The following TAF11 variants were observed in gnomAD, a reference collection of about 807,000 sequenced individuals.
TAF11 encodes transcription initiation factor TFIID subunit 11.
A neutral mutation model predicts 23.0 loss-of-function variants in TAF11; 10 were observed. The observed-to-expected ratio is 0.43, with a 90% CI of 0.27 to 0.74. The LOEUF is 0.74. Ranked by LOEUF, TAF11 falls within the 30% of genes least tolerant of loss-of-function variation. The pLI, the probability that TAF11 is intolerant of heterozygous loss-of-function variation, is 0.19. For missense variants in TAF11, 196 were observed against 261.7 expected, an observed-to-expected ratio of 0.75 and a Z score of 1.73; for synonymous variants, 85 against 95.8, an observed-to-expected ratio of 0.89 and a Z score of 0.66.
chr6:34,879,612 T>C, intron 4 of TAF11: 1 of 985,222 alleles, frequency 1.0e-6, no homozygotes. Context: ...ATCACAACAT[T>C]AGGGACAACT....
chr6:34,886,295 C>CA (rs1385565052), intron 1 of TAF11, among the ~76,000 whole-genome samples: 2 of 151,890 alleles, frequency 1.3e-5, no homozygotes, highest in Non-Finnish European at 2.9e-5. Context: ...TCTCAACAAA[C>CA]AAAAACTGCC....
chr6:34,877,907 G>A lies in TAF11; in HGVS notation c.*683C>T, dbSNP rs1766335425. ...TCATGGTAGAGTATCACAAGTAAAAGTTTCTGGTTGTTTCATCTACTTAAA... is the reference window on the plus strand; with the variant it reads ...TCATGGTAGAGTATCACAAGTAAAAATTTCTGGTTGTTTCATCTACTTAAA... On this transcript the variant is annotated 3_prime_UTR_variant, in exon 5 of 5. Coordinates refer to ENST00000361288, the MANE Select transcript of TAF11 (RefSeq NM_005643.4). 1.3e-5 allele frequency: 2 copies of A among 152,282 alleles called. No homozygotes were observed. The highest frequency in any genetic ancestry group is 1.3e-4 in the Admixed American group (2 of 15,296). 9.4% of individuals were successfully genotyped at this position (152,282 alleles called of 1,614,324 possible).
intron 1 of TAF11, among the ~76,000 whole-genome samples, chr6:34,884,996 T>TCAG (rs4646924): frequency 0.46 from 70,016 of 151,870 alleles, 21,368 homozygotes; most frequent in African/African-American, 0.85. Context: ...TTTTAAATAA[T>TCAG]GTTTTAATTT....
At position 34,877,587 on chromosome 6, in the gene TAF11, T is replaced by TGC. The variant is rs558419014; in HGVS notation, c.*1002_*1003insGC. The TGC allele has an allele frequency of 6.6e-6, 1 of 151,804 alleles. No homozygotes were observed. The highest frequency in any genetic ancestry group is 1.9e-4 in the East Asian group (1 of 5,142). 9.4% of individuals were successfully genotyped at this position (151,804 alleles called of 1,614,324 possible). On this transcript the variant is annotated 3_prime_UTR_variant, in exon 5 of 5. Coordinates refer to ENST00000361288, the MANE Select transcript of TAF11 (RefSeq NM_005643.4). ...ATATTGTTTATTTTCATCTCAGTCT[T>TGC]GGGGGGGGAATTATTACACTGTTTT... is the stretch of plus-strand genomic sequence containing the variant.
At chr6:34,884,136 T>C (rs1766491424) in intron 1 of TAF11, among the ~76,000 whole-genome samples, 1 of 152,236 alleles carries the variant, frequency 6.6e-6, no homozygotes, top group Admixed American at 6.5e-5. Flanking sequence ...GCAGTGCTAT[T>C]CACAATAGCA....
intron 4 of TAF11, among the ~76,000 whole-genome samples, chr6:34,879,095 C>T (rs1766369688): frequency 6.6e-6 from 1 of 152,144 alleles, no homozygotes; most frequent in South Asian, 2.1e-4. Flanking sequence ...GTCTCAACTA[C>T]TCAGACTGAG....
At chr6:34,888,060 A>G, upstream of TAF11, 4 of 1,539,338 alleles carry the variant, frequency 2.6e-6, no homozygotes, top group Non-Finnish European at 3.5e-6. Flanking sequence ...GTCGTCGCGC[A>G]GCGATGACAT....
rs1446068892 is a variant in TAF11, at chr6:34,878,698, C to G, written c.528G>C (p.Trp176Cys). The change falls in exon 5 of 5, where the codon TGG (tryptophan) becomes TGC (cysteine). Residue 176 changes from tryptophan (W) to cysteine (C), a missense_variant. Physicochemically the swap from Trp to Cys is radical, Grantham distance 215. Coordinates refer to ENST00000361288, the MANE Select transcript of TAF11 (RefSeq NM_005643.4). Reference sequence around the variant, plus strand: ...TGGGTTGTAGTGGTGGCATTTCTCCCCACTTCTCACACACATCCAGTGCTA... The same window carrying G: ...TGGGTTGTAGTGGTGGCATTTCTCCGCACTTCTCACACACATCCAGTGCTA... ...VEEALDVCEK[W>C]GEMPPLQPKH... The G allele has an allele frequency of 3.7e-6, 6 of 1,614,004 alleles. No individual in the cohort carries two copies. In the Admixed American group the frequency reaches 8.3e-5, roughly 22 times the overall value.
In TAF11 at chr6:34,879,944, TATTTGTAACC is replaced by T. The variant is rs758430672; in HGVS notation, c.505+13_505+22del. Reference sequence around the variant, plus strand: ...TAAGACCACCACAGGTACAATCCAGTATTTGTAACCAACACTACTCACCTTCTTCTACCAC... The same window carrying T: ...TAAGACCACCACAGGTACAATCCAGTAACACTACTCACCTTCTTCTACCAC... On this transcript the variant is annotated intron_variant, in intron 4 of 4. Coordinates refer to ENST00000361288, the MANE Select transcript of TAF11 (RefSeq NM_005643.4). The T allele has an allele frequency of 1.2e-6, 2 of 1,607,786 alleles. No homozygotes were observed.
At chr6:34,881,339 T>C (rs748152012) in intron 2 of TAF11, among the ~76,000 whole-genome samples, 4 of 152,220 alleles carry the variant, frequency 2.6e-5, no homozygotes, top group African/African-American at 4.8e-5. Flanking sequence ...AAAAAAACTT[T>C]GAAAAGGTAC....
At position 34,887,923 on chromosome 6, in the gene TAF11, C is replaced by A. The variant is rs373916871; in HGVS notation, c.35G>T (p.Gly12Val). Residue 12 changes from glycine (G) to valine (V), a missense_variant, in exon 1 of 5, where the codon GGT (glycine) becomes GTT (valine). Coordinates refer to ENST00000361288, the MANE Select transcript of TAF11 (RefSeq NM_005643.4). ...CTCATCCGACTCCCCTGTCTCTCCA[C>A]CTTTGTCGGAGGGCGACTCGTGGGC... ...DDAHESPSDK[G>V]GETGESDETA... 3 of 1,614,086 alleles carry A rather than the reference C, an allele frequency of 1.9e-6. No homozygotes were observed. The African/African-American group carries it at 4.0e-5, about 22-fold the overall frequency.
chr6:34,879,255 C>G (rs966128421), intron 4 of TAF11: 2 of 339,382 alleles, frequency 5.9e-6, no homozygotes, highest in Non-Finnish European at 8.3e-6. Flanking sequence ...TGGTAGTGCA[C>G]GCCTACAGTC....
At position 34,883,089 on chromosome 6, in the gene TAF11, A is replaced by G. The variant is rs1033036314; in HGVS notation, c.172-9T>C. ...ACATCCTGACTCTCGAGCTGGGAAGATGAAAGAAACTCTATTATATATTTG... is the reference window on the plus strand; with the variant it reads ...ACATCCTGACTCTCGAGCTGGGAAGGTGAAAGAAACTCTATTATATATTTG... On this transcript the variant is annotated splice_polypyrimidine_tract_variant and intron_variant, in intron 1 of 4. Transcript: ENST00000361288. The G allele has an allele frequency of 1.2e-6, 2 of 1,606,018 alleles. No homozygotes were observed. The highest frequency in any genetic ancestry group is 3.4e-5 in the Admixed American group (2 of 58,256).
chr6:34,882,834 G>A, intron 2 of TAF11, 98 bp downstream of exon 2: 13 of 1,377,004 alleles, frequency 9.4e-6, no homozygotes, highest in Non-Finnish European at 1.3e-5. Flanking sequence ...ATTTTCTTTT[G>A]AGTTTATAAA....
At chr6:34,885,392 A>C (rs1156705579) in intron 1 of TAF11, among the ~76,000 whole-genome samples, 1 of 152,158 alleles carries the variant, frequency 6.6e-6, no homozygotes, top group Non-Finnish European at 1.5e-5. Flanking sequence ...AGGCTATTTA[A>C]AAAATAGTTT....
intron 1 of TAF11, among the ~76,000 whole-genome samples, chr6:34,884,976 T>C (rs540573134): frequency 1.4e-4 from 19 of 137,922 alleles, no homozygotes; most frequent in African/African-American, 5.8e-4. Context: ...TGTAATGTTA[T>C]ACATTTACAT....
chr6:34,880,101 C>CA lies in TAF11; in HGVS notation c.409-39dup. On this transcript the variant is annotated intron_variant, in intron 3 of 4. Coordinates refer to ENST00000361288, the MANE Select transcript of TAF11 (RefSeq NM_005643.4). The surrounding 1 kb of genome is among the most constrained non-coding windows in gnomAD (Gnocchi z 4.8). Reference sequence around the variant, plus strand: ...ACAAAGACTCCGTGATCACAATAGTCAAAGACTGGCTTTGGAACACAGTAC... The same window carrying CA: ...ACAAAGACTCCGTGATCACAATAGTCAAAAGACTGGCTTTGGAACACAGTAC... The CA allele has an allele frequency of 6.3e-7, 1 of 1,597,644 alleles. No homozygotes were observed. Among genetic ancestry groups the CA allele is most frequent in the Non-Finnish European group, 8.6e-7 (1 of 1,165,686 alleles).
intron 1 of TAF11, among the ~76,000 whole-genome samples, chr6:34,883,423 C>T (rs996851252): frequency 6.6e-6 from 1 of 152,168 alleles, no homozygotes; most frequent in Non-Finnish European, 1.5e-5. Context: ...GGGATGTCAG[C>T]AAAGTCCCCT....
chr6:34,887,975 G>A lies in TAF11; in HGVS notation c.-18C>T. 6.2e-7 allele frequency: 1 copy of A among 1,613,290 alleles called. No individual in the cohort carries two copies. The highest frequency in any genetic ancestry group is 8.5e-7 in the Non-Finnish European group (1 of 1,179,396). On this transcript the variant is annotated 5_prime_UTR_variant, in exon 1 of 5. Transcript: ENST00000361288. Reference sequence around the variant, plus strand: ...TCGTCCATCACGGATAGGATTGGAGGGGAGAGGAGATCGCGGAGATGCCTG... The same window carrying A: ...TCGTCCATCACGGATAGGATTGGAGAGGAGAGGAGATCGCGGAGATGCCTG...
Sources: allele counts gnomAD v4.1 joint callset (sites outside exome capture counted in the v4.1 genomes callset), GRCh38; gene constraint gnomAD v4.1.1; non-coding constraint Gnocchi (gnomAD v3.1); transcripts MANE v1.5; gene names NCBI Gene and HGNC (gene_info 2026-07-23, HGNC 2026-07-21).